ANKRD30B: variants seen among roughly 807,000 people sequenced by gnomAD.
ANKRD30B encodes ankyrin repeat domain-containing protein 30B.
A neutral mutation model predicts 202.2 loss-of-function variants in ANKRD30B; 144 were observed. That is an observed-to-expected ratio of 0.71 (90% CI 0.62 to 0.82). The LOEUF (loss-of-function observed/expected upper bound fraction) is 0.82, where lower values mean the gene tolerates loss of function less well. Ranked by LOEUF, ANKRD30B falls within the 40% of genes least tolerant of loss-of-function variation. ANKRD30B has a pLI of 0.00. For missense variants in ANKRD30B, 1,487 were observed against 1,669.1 expected (o/e 0.89, Z 1.90); for synonymous variants, 508 against 561.3 (o/e 0.91, Z 1.34).
chr18:14,927,127 T>G, the ANKRD30B span, among the ~76,000 whole-genome samples: 1 of 152,176 alleles, frequency 6.6e-6, no homozygotes, highest in Non-Finnish European at 1.5e-5. Flanking sequence ...AATTTAAAAA[T>G]TTATGTGCAT....
chr18:14,848,779 A>G lies in ANKRD30B; in HGVS notation c.3245A>G (p.Lys1082Arg), dbSNP rs559350415. The G allele has an allele frequency of 5.1e-6, 8 of 1,573,532 alleles. No individual in the cohort carries two copies. The East Asian group carries it at 1.6e-4, about 32-fold the overall frequency. Reference sequence around the variant, plus strand: ...TCTTGTGAAAGAGGAAGGGAACTTAAAAAAGATAACTGTGAACAAATTACA... The same window carrying G: ...TCTTGTGAAAGAGGAAGGGAACTTAGAAAAGATAACTGTGAACAAATTACA... The part of the protein sequence containing the change: ...LPSCERGREL[K>R]KDNCEQITAK... Residue 1082 changes from lysine (K) to arginine (R), a missense_variant, in exon 40 of 44, where the codon AAA becomes AGA. Physicochemically the swap from Lys to Arg is conservative, Grantham distance 26. Transcript: ENST00000690538.
chr18:14,838,374 G>A (rs1971270371), intron 36 of ANKRD30B, among the ~76,000 whole-genome samples: 1 of 152,148 alleles, frequency 6.6e-6, no homozygotes, highest in Non-Finnish European at 1.5e-5. Context: ...TAATTCCTGG[G>A]ACTCTGAAAG....
At chr18:14,816,808 T>C (rs2144088045) in intron 30 of ANKRD30B, 1 of 152,346 alleles carries the variant, frequency 6.6e-6, no homozygotes, top group Non-Finnish European at 1.5e-5. Context: ...TCATGTCCTT[T>C]GTAGGGACAT....
chr18:14,803,883 G>C, intron 24 of ANKRD30B, 59 bp downstream of exon 24: 3 of 1,424,078 alleles, frequency 2.1e-6, no homozygotes, highest in Non-Finnish European at 2.8e-6. Flanking sequence ...GAACTGATGA[G>C]GAGGGATATC....
Position 14,769,325 on chromosome 18 carries a change from A to C in ANKRD30B, c.1226-18A>C, listed in dbSNP as rs1376000107. The C allele has an allele frequency of 4.0e-6, 6 of 1,518,438 alleles. No individual in the cohort carries two copies. The South Asian group carries it at 7.4e-5, about 19-fold the overall frequency. 94.1% of individuals were successfully genotyped at this position (1,518,438 alleles called of 1,614,324 possible). A position where few individuals can be genotyped will look rare whatever the true frequency, so the allele number is the denominator to read the frequency against. On this transcript the variant is annotated intron_variant, in intron 7 of 43. Transcript: ENST00000690538. ...TATATTTGTTAATTTAATGTATTTT[A>C]CTTTTTTTCTTTAATAGTGGATGTG...
At chr18:14,845,703 T>C (rs1267780495) in intron 39 of ANKRD30B, among the ~76,000 whole-genome samples, 3 of 151,978 alleles carry the variant, frequency 2.0e-5, no homozygotes. Flanking sequence ...AAATCTATAG[T>C]TGGGAGCTTA....
At chr18:14,867,977 G>T in the ANKRD30B span, among the ~76,000 whole-genome samples, 10 of 152,256 alleles carry the variant, frequency 6.6e-5, no homozygotes, top group Admixed American at 6.5e-4. Flanking sequence ...TGAGCTGGAG[G>T]TTGGAGCCTG....
intron 36 of ANKRD30B, among the ~76,000 whole-genome samples, chr18:14,839,092 G>A (rs1971299930): frequency 6.6e-6 from 1 of 152,166 alleles, no homozygotes; most frequent in Non-Finnish European, 1.5e-5. Context: ...TTGACCTGGA[G>A]TAATTTCTTT....
downstream of ANKRD30B, among the ~76,000 whole-genome samples, chr18:14,856,385 G>A (rs1376106308): frequency 3.6e-5 from 5 of 140,346 alleles, no homozygotes; most frequent in Non-Finnish European, 8.0e-5. Flanking sequence ...CCCAGATGGG[G>A]AGGCTGGGCA....
chr18:14,761,352 G>A (rs1915231574), intron 6 of ANKRD30B, among the ~76,000 whole-genome samples: 1 of 152,214 alleles, frequency 6.6e-6, no homozygotes, highest in South Asian at 2.1e-4. Flanking sequence ...AGCTGGCCCT[G>A]TGGGCATTTA....
the ANKRD30B span, among the ~76,000 whole-genome samples, chr18:14,862,077 C>T: frequency 6.6e-6 from 1 of 152,044 alleles, no homozygotes; most frequent in African/African-American, 2.4e-5. Flanking sequence ...AAAGAAATTC[C>T]TGAAACAAAT....
chr18:14,910,323 G>A, the ANKRD30B span, among the ~76,000 whole-genome samples: 5 of 151,988 alleles, frequency 3.3e-5, no homozygotes, highest in Non-Finnish European at 5.9e-5. Flanking sequence ...TCATACATGA[G>A]AACATGTGGC....
chr18:14,861,759 C>T, the ANKRD30B span, among the ~76,000 whole-genome samples: 1 of 152,076 alleles, frequency 6.6e-6, no homozygotes, highest in Non-Finnish European at 1.5e-5. Flanking sequence ...AAACTGTGGA[C>T]TCAAACTGGG....
chr18:14,807,731 T>G (rs1568033011), intron 24 of ANKRD30B, among the ~76,000 whole-genome samples: 2 of 150,140 alleles, frequency 1.3e-5, no homozygotes, highest in Non-Finnish European at 3.0e-5. Flanking sequence ...AGGGTTTCGC[T>G]ATTTTGGCCA....
At chr18:14,837,917 G>T (rs1971251728) in intron 36 of ANKRD30B, among the ~76,000 whole-genome samples, 1 of 152,216 alleles carries the variant, frequency 6.6e-6, no homozygotes, top group South Asian at 2.1e-4. Context: ...TTGGGAGACT[G>T]AGGCAGGAGA....
At chr18:14,901,925 C>A in the ANKRD30B span, among the ~76,000 whole-genome samples, 3 of 152,104 alleles carry the variant, frequency 2.0e-5, no homozygotes, top group African/African-American at 7.2e-5. Context: ...CATTTTTATG[C>A]CGCTGATAAA....
At chr18:14,932,462 G>A in the ANKRD30B span, among the ~76,000 whole-genome samples, 2 of 152,054 alleles carry the variant, frequency 1.3e-5, no homozygotes, top group Non-Finnish European at 2.9e-5. Context: ...TCAGCCTCCC[G>A]AGTAGCTGGG....
chr18:14,788,295 A>C (rs369870317), intron 15 of ANKRD30B, among the ~76,000 whole-genome samples: 1 of 152,196 alleles, frequency 6.6e-6, no homozygotes, highest in East Asian at 1.9e-4. Flanking sequence ...TTTTTTCATG[A>C]ACATGATTTG....
chr18:14,769,525 A>G (rs994142575), intron 8 of ANKRD30B, among the ~76,000 whole-genome samples, 152 bp downstream of exon 8: 1 of 152,218 alleles, frequency 6.6e-6, no homozygotes, highest in Non-Finnish European at 1.5e-5. Context: ...AGCTTTGCAA[A>G]GCATCTGTGC....
Sources: gnomAD v4.1 joint callset for allele counts (sites outside exome capture counted in the v4.1 genomes callset) on GRCh38, gnomAD v4.1.1 for gene constraint, MANE v1.5 for transcripts, NCBI Gene and HGNC (gene_info 2026-07-23, HGNC 2026-07-21) for gene names.